Variants in TAFA1 observed in about 807,000 individuals in gnomAD.
TAFA1 encodes the protein TAFA chemokine like family member 1.
TAFA1 carries 4 observed loss-of-function variants against 18.5 expected under a neutral mutation model. The ratio of observed to expected loss-of-function variants is 0.22; its 90% CI spans 0.11 to 0.49. The LOEUF is 0.49. TAFA1 is among the 20% of genes least tolerant of loss of function. The pLI, the probability that TAFA1 is intolerant of heterozygous loss-of-function variation, is 0.98. For missense variants in TAFA1, 147 were observed against 169.0 expected (o/e 0.87, Z 0.72); for synonymous variants, 56 against 55.2 (o/e 1.01, Z -0.06).
At chr3:68,116,053 G>A (rs2065320764) in intron 2 of TAFA1, among the ~76,000 whole-genome samples, 1 of 152,034 alleles carries the variant, frequency 6.6e-6, no homozygotes, top group Non-Finnish European at 1.5e-5. Context: ...TCAGGAGAGT[G>A]AGACCATCCT....
intron 3 of TAFA1, among the ~76,000 whole-genome samples, chr3:68,462,820 T>C (rs2071810256): frequency 6.6e-6 from 1 of 152,148 alleles, no homozygotes; most frequent in Non-Finnish European, 1.5e-5. Flanking sequence ...AGAGACTCCA[T>C]TGCCTGACAA....
chr3:68,435,049 G>A (rs957247052), intron 3 of TAFA1, among the ~76,000 whole-genome samples: 2 of 152,122 alleles, frequency 1.3e-5, no homozygotes, highest in Admixed American at 6.6e-5. Context: ...TGTGTGATGT[G>A]TGCTCTGATG....
intron 2 of TAFA1, among the ~76,000 whole-genome samples, chr3:68,230,810 C>T (rs1343199357): frequency 6.6e-6 from 1 of 152,116 alleles, no homozygotes; most frequent in African/African-American, 2.4e-5. Flanking sequence ...TGATAAAAGC[C>T]AACTTAACTG....
intron 2 of TAFA1, among the ~76,000 whole-genome samples, chr3:68,039,857 AGAAGTCCCATTGGAGGGGT>A (rs1240042088): frequency 9.2e-5 from 14 of 152,218 alleles, no homozygotes; most frequent in African/African-American, 3.4e-4. Flanking sequence ...CATACCTCAG[AGAAGTCCCATTGGAGGGGT>A]GAATAAACCA....
At chr3:68,375,258 T>G (rs2069787347) in intron 2 of TAFA1, among the ~76,000 whole-genome samples, 1 of 152,190 alleles carries the variant, frequency 6.6e-6, no homozygotes, top group African/African-American at 2.4e-5. Flanking sequence ...TTCTATTGTG[T>G]ATCCCACTCC....
At chr3:68,081,812 AG>A (rs2064905143) in intron 2 of TAFA1, among the ~76,000 whole-genome samples, 1 of 152,216 alleles carries the variant, frequency 6.6e-6, no homozygotes, top group Admixed American at 6.5e-5. Flanking sequence ...AGAGGCAGGC[AG>A]GCCTCCTTGA....
chr3:68,162,090 C>T (rs1173590663), intron 2 of TAFA1, among the ~76,000 whole-genome samples: 5 of 152,110 alleles, frequency 3.3e-5, no homozygotes, highest in East Asian at 3.9e-4. Flanking sequence ...AATTGCTGGC[C>T]TAGAAGCAAT....
rs1193649727 is a variant in TAFA1, at chr3:68,147,532, C to T, written c.118+140788C>T. On this transcript the variant is annotated intron_variant, in intron 2 of 4. Coordinates refer to ENST00000478136, the MANE Select transcript of TAFA1 (RefSeq NM_213609.4). ...GTTAAGCTCGCTTTCCTGAGCCTCT[C>T]CTGTCTCCTCTAGTGGCCCCACCTG... Among the ~76,000 whole-genome samples, 5 of 152,196 alleles carry T rather than the reference C, an allele frequency of 3.3e-5. No homozygotes were observed. The East Asian group carries it at 7.7e-4, about 24-fold the overall frequency.
At position 68,100,040 on chromosome 3, in the gene TAFA1, A is replaced by G. The variant is rs6766339; in HGVS notation, c.118+93296A>G. On this transcript the variant is annotated intron_variant, in intron 2 of 4. Transcript: ENST00000478136. The stretch of plus-strand genomic sequence containing the variant: ...AGGGACAAGAGCTGAAAATCTCCCT[A>G]TTGAGTAATATGCTTACTATCTAGA... Among the ~76,000 whole-genome samples, 99 of 152,268 alleles carry G rather than the reference A, an allele frequency of 6.5e-4. 2 individuals are homozygous for G. The highest frequency in any genetic ancestry group is 2.2e-3 in the African/African-American group (90 of 41,542).
chr3:68,005,472 C>G (rs142643862), intron 1 of TAFA1, among the ~76,000 whole-genome samples: 1 of 152,324 alleles, frequency 6.6e-6, no homozygotes, highest in Non-Finnish European at 1.5e-5. Flanking sequence ...AATTAGCGTG[C>G]ATTATGTGCA....
chr3:68,499,449 T>TC (rs1270520097), intron 3 of TAFA1, among the ~76,000 whole-genome samples: 3 of 147,444 alleles, frequency 2.0e-5, no homozygotes, highest in Middle Eastern at 3.5e-3. Flanking sequence ...TTCCTTTCTT[T>TC]TTTTTTTTTT....
intron 2 of TAFA1, among the ~76,000 whole-genome samples, chr3:68,031,554 C>T (rs1016360399): frequency 5.9e-5 from 9 of 152,116 alleles, no homozygotes; most frequent in African/African-American, 1.9e-4. Flanking sequence ...GGAAAGACCT[C>T]GTTTGTGGAG....
intron 3 of TAFA1, chr3:68,417,652 T>C (rs2070866027): frequency 1.8e-5 from 9 of 504,680 alleles, no homozygotes; most frequent in South Asian, 1.2e-4. Flanking sequence ...CATTGCAGCA[T>C]TGAGAGGTGG....
chr3:68,275,604 T>C lies in TAFA1; in HGVS notation c.119-141676T>C, dbSNP rs535354854. On this transcript the variant is annotated intron_variant, in intron 2 of 4. Coordinates refer to ENST00000478136, the MANE Select transcript of TAFA1 (RefSeq NM_213609.4). ...TCAGATAAAGTATATGAAACAAAAA[T>C]GGGATAGAGCAAGTTTAGAGGAGAT... Among the ~76,000 whole-genome samples, 2 of 148,872 alleles carry C rather than the reference T, an allele frequency of 1.3e-5. 1 individual carries two copies. Among genetic ancestry groups the C allele is most frequent in the African/African-American group, 4.9e-5 (2 of 40,442 alleles).
At chr3:68,120,361 T>C (rs1474964252) in intron 2 of TAFA1, among the ~76,000 whole-genome samples, 1 of 151,938 alleles carries the variant, frequency 6.6e-6, no homozygotes, top group African/African-American at 2.4e-5. Flanking sequence ...GTGATTCTCA[T>C]GCCTCAGCCT....
intron 2 of TAFA1, among the ~76,000 whole-genome samples, chr3:68,361,513 A>G (rs2069467752): frequency 6.6e-6 from 1 of 152,082 alleles, no homozygotes; most frequent in South Asian, 2.1e-4. Flanking sequence ...GGGCTCATAG[A>G]GATGGTAAAT....
At chr3:68,060,870 G>A (rs1018519410) in intron 2 of TAFA1, among the ~76,000 whole-genome samples, 3 of 152,120 alleles carry the variant, frequency 2.0e-5, no homozygotes, top group Admixed American at 6.5e-5. Context: ...GTGGTTAGGC[G>A]CTATATAATG....
intron 2 of TAFA1, among the ~76,000 whole-genome samples, chr3:68,194,966 T>G (rs1002112290): frequency 6.6e-6 from 1 of 151,714 alleles, no homozygotes; most frequent in South Asian, 2.1e-4. Context: ...TAGTAGTCAG[T>G]TTTTCGGTAT....
intron 2 of TAFA1, among the ~76,000 whole-genome samples, chr3:68,067,706 C>T (rs781546372): frequency 6.6e-6 from 1 of 152,046 alleles, no homozygotes; most frequent in East Asian, 1.9e-4. Context: ...TTCTTCCTTC[C>T]TTCCTTCCAT....
Sources: allele counts gnomAD v4.1 joint callset (sites outside exome capture counted in the v4.1 genomes callset), GRCh38; gene constraint gnomAD v4.1.1; transcripts MANE v1.5; gene names NCBI Gene and HGNC (gene_info 2026-07-23, HGNC 2026-07-21).